Variants in GALNTL6 observed in about 807,000 individuals in gnomAD.
The protein encoded by GALNTL6 is polypeptide N-acetylgalactosaminyltransferase-like 6.
GALNTL6 carries 46 observed loss-of-function variants against 73.7 expected under a neutral mutation model. The ratio of observed to expected loss-of-function variants is 0.62; its 90% CI spans 0.49 to 0.80. The LOEUF is 0.80. GALNTL6 is among the 30% of genes least tolerant of loss of function. The pLI, the probability that GALNTL6 is intolerant of heterozygous loss-of-function variation, is 0.00. For missense variants in GALNTL6, 604 were observed against 755.0 expected (o/e 0.80, Z 2.34); for synonymous variants, 259 against 263.7 (o/e 0.98, Z 0.17).
chr4:171,924,277 A>G (rs1737904474), intron 2 of GALNTL6, among the ~76,000 whole-genome samples: 1 of 152,034 alleles, frequency 6.6e-6, no homozygotes, highest in Non-Finnish European at 1.5e-5. Flanking sequence ...TAAATCAGGG[A>G]AGGAACATAA....
intron 5 of GALNTL6, among the ~76,000 whole-genome samples, chr4:172,619,685 T>G (rs958874004): frequency 5.3e-5 from 8 of 152,176 alleles, no homozygotes; most frequent in Admixed American, 4.6e-4. Flanking sequence ...TTGCTTTGTG[T>G]TTTTTCTGTC....
chr4:171,865,176 C>A (rs1217212444), intron 2 of GALNTL6, among the ~76,000 whole-genome samples: 1 of 151,852 alleles, frequency 6.6e-6, no homozygotes, highest in Non-Finnish European at 1.5e-5. Flanking sequence ...TCTTGGAAAC[C>A]TAGAAAAAAT....
chr4:172,055,706 G>A (rs992445365), intron 2 of GALNTL6, among the ~76,000 whole-genome samples: 1 of 152,180 alleles, frequency 6.6e-6, no homozygotes, highest in African/African-American at 2.4e-5. Context: ...GTGGATTTGA[G>A]AGCCCCATCT....
Position 172,243,655 on chromosome 4 carries a change from C to T in GALNTL6, c.247+13891C>T, listed in dbSNP as rs139106502. 1.1e-4 allele frequency among the ~76,000 whole-genome samples: 17 copies of T among 152,162 alleles called. No homozygotes were observed. The East Asian group carries it at 1.4e-3, about 12-fold the overall frequency. On this transcript the variant is annotated intron_variant, in intron 3 of 12. Coordinates refer to ENST00000506823, the MANE Select transcript of GALNTL6 (RefSeq NM_001034845.3). ...GGTTTTACTAATTACTGCAAATTGC[C>T]GTAGATGAACATTTAAAGGATATGC...
intron 2 of GALNTL6, among the ~76,000 whole-genome samples, chr4:171,917,349 T>C (rs764635839): frequency 2.0e-5 from 3 of 152,070 alleles, no homozygotes; most frequent in Non-Finnish European, 2.9e-5. Context: ...ATTCTGCTAA[T>C]TTGCCAAGGA....
chr4:172,560,363 T>G (rs1736309272), intron 5 of GALNTL6, among the ~76,000 whole-genome samples: 1 of 151,746 alleles, frequency 6.6e-6, no homozygotes, highest in Non-Finnish European at 1.5e-5. Flanking sequence ...CAGGGCGTGA[T>G]GGTGCACACC....
intron 2 of GALNTL6, among the ~76,000 whole-genome samples, chr4:172,019,705 C>G (rs1290426930): frequency 6.6e-6 from 1 of 152,070 alleles, no homozygotes; most frequent in East Asian, 1.9e-4. Flanking sequence ...GAGATAGACT[C>G]TGATACAAAA....
chr4:172,388,986 A>C (rs1743570973), intron 5 of GALNTL6, among the ~76,000 whole-genome samples: 1 of 151,980 alleles, frequency 6.6e-6, no homozygotes, highest in Non-Finnish European at 1.5e-5. Context: ...TCCAATTCCT[A>C]ATATTTCTAA....
intron 2 of GALNTL6, among the ~76,000 whole-genome samples, chr4:172,117,233 T>C (rs926919496): frequency 1.4e-4 from 22 of 152,218 alleles, no homozygotes; most frequent in African/African-American, 5.3e-4. Flanking sequence ...TCGTGTTTTA[T>C]CTTCCAGCTG....
intron 2 of GALNTL6, among the ~76,000 whole-genome samples, chr4:171,926,859 T>G (rs1284305521): frequency 6.6e-6 from 1 of 152,158 alleles, no homozygotes; most frequent in African/African-American, 2.4e-5. Flanking sequence ...AACTCTTCGT[T>G]AGTTTTAGCT....
intron 7 of GALNTL6, among the ~76,000 whole-genome samples, chr4:172,862,879 G>A (rs970346498): frequency 6.6e-6 from 1 of 152,172 alleles, no homozygotes; most frequent in Admixed American, 6.5e-5. Context: ...CAGGAGCCTA[G>A]GAGGAAAAAA....
intron 4 of GALNTL6, among the ~76,000 whole-genome samples, chr4:172,320,815 T>A (rs1414180073): frequency 6.6e-6 from 1 of 152,200 alleles, no homozygotes. Context: ...CGAATACCAC[T>A]GTCATCTCAG....
chr4:173,015,522 A>AGAT (rs1394979873), intron 11 of GALNTL6, among the ~76,000 whole-genome samples: 3 of 152,258 alleles, frequency 2.0e-5, no homozygotes, highest in African/African-American at 7.2e-5. Flanking sequence ...AGGTGGTCTC[A>AGAT]GATGGAGATG....
At chr4:172,785,754 G>C (rs1739618269) in intron 5 of GALNTL6, among the ~76,000 whole-genome samples, 2 of 150,370 alleles carry the variant, frequency 1.3e-5, no homozygotes, top group Admixed American at 1.3e-4. Flanking sequence ...GTTTTCCAGA[G>C]AGAAATTTAT....
chr4:172,842,886 G>A lies in GALNTL6; in HGVS notation c.923+29163G>A, dbSNP rs559216565. 3.0e-4 allele frequency among the ~76,000 whole-genome samples: 45 copies of A among 152,152 alleles called. No homozygotes were observed. In the East Asian group the frequency reaches 4.6e-3, roughly 16 times the overall value. On this transcript the variant is annotated intron_variant, in intron 7 of 12. Coordinates refer to ENST00000506823, the MANE Select transcript of GALNTL6 (RefSeq NM_001034845.3). The stretch of plus-strand genomic sequence containing the variant: ...CCAAAGTGAGCCGTGAGGGAACAGC[G>A]GCTCCAACACACAGTGCACAATGCC...
chr4:172,564,804 C>A (rs1736498309), intron 5 of GALNTL6, among the ~76,000 whole-genome samples: 1 of 152,206 alleles, frequency 6.6e-6, no homozygotes, highest in Non-Finnish European at 1.5e-5. Flanking sequence ...TTGAGAACAT[C>A]CTCAGCTTTC....
chr4:172,172,062 A>G (rs1234714934), intron 2 of GALNTL6, among the ~76,000 whole-genome samples: 1 of 152,208 alleles, frequency 6.6e-6, no homozygotes, highest in African/African-American at 2.4e-5. Context: ...TAAAGACCTC[A>G]GAATCCCCAG....
chr4:172,566,671 G>GA, intron 5 of GALNTL6, among the ~76,000 whole-genome samples: 1 of 149,440 alleles, frequency 6.7e-6, no homozygotes, highest in East Asian at 2.0e-4. Flanking sequence ...TAGATGGGAA[G>GA]AAAAAATATT....
At chr4:171,888,512 A>G (rs537795719) in intron 2 of GALNTL6, among the ~76,000 whole-genome samples, 1 of 152,022 alleles carries the variant, frequency 6.6e-6, no homozygotes, top group East Asian at 1.9e-4. Context: ...TCTTTTTGGG[A>G]ATGCTTGTCA....
Sources: allele counts gnomAD v4.1 joint callset (sites outside exome capture counted in the v4.1 genomes callset), GRCh38; gene constraint gnomAD v4.1.1; transcripts MANE v1.5; gene names NCBI Gene and HGNC (gene_info 2026-07-23, HGNC 2026-07-21).